The following DOT1L variants were observed in gnomAD, a reference collection of about 807,000 sequenced individuals.
The protein encoded by DOT1L is DOT1 like histone lysine methyltransferase.
In DOT1L, 33 loss-of-function variants were observed where a neutral mutation model predicts 153.3. The observed-to-expected ratio is 0.22, with a 90% CI of 0.16 to 0.29. The LOEUF (loss-of-function observed/expected upper bound fraction) is 0.29. Among genes scored for constraint, DOT1L ranks in the 10% least tolerant of loss-of-function variants. The probability of loss-of-function intolerance (pLI) is 1.00; values close to 1 mark genes in which losing one functional copy is unlikely to be tolerated. For missense variants in DOT1L, 1,847 were observed against 2,119.9 expected (o/e 0.87, Z 2.53); for synonymous variants, 1,135 against 965.1 (o/e 1.18, Z -3.26).
intron 25 of DOT1L, among the ~76,000 whole-genome samples, chr19:2,223,783 G>C (rs1343236132): frequency 1.3e-5 from 2 of 152,196 alleles, no homozygotes; most frequent in Non-Finnish European, 2.9e-5. Context: ...GTGAGGCGTT[G>C]GAGGTCTCAT....
intron 3 of DOT1L, 87 bp downstream of exon 3, chr19:2,186,016 T>G: frequency 1.6e-6 from 2 of 1,268,754 alleles, no homozygotes; most frequent in Non-Finnish European, 2.3e-6. Flanking sequence ...TAATTAGCTC[T>G]TCTTAGATGG....
At chr19:2,215,674 C>CA (rs1300012243) in intron 19 of DOT1L, 1 of 152,288 alleles carries the variant, frequency 6.6e-6, no homozygotes, top group Non-Finnish European at 1.5e-5. Flanking sequence ...GCTGCTCCCT[C>CA]ACGTGTGTGG....
chr19:2,220,446 C>T lies in DOT1L; in HGVS notation c.2806+224C>T, dbSNP rs779930699. 12 of 654,044 alleles carry T rather than the reference C, an allele frequency of 1.8e-5. No individual in the cohort carries two copies. The Middle Eastern group carries it at 1.5e-3, about 80-fold the overall frequency. The allele number at this position is 654,044 out of a possible 1,614,324, so 40.5% of individuals were successfully genotyped here. On this transcript the variant is annotated intron_variant, in intron 23 of 27. Coordinates refer to ENST00000398665, the MANE Select transcript of DOT1L (RefSeq NM_032482.3). The surrounding 1 kb of genome is among the most constrained non-coding windows in gnomAD (Gnocchi z 4.5). ...ATCTCGGCCTCATACCTGGGTCTCC[C>T]GACACTGACACCTCCTGCTTGGGTG...
chr19:2,212,178 TC>T (rs1243324687), intron 16 of DOT1L: 3 of 214,022 alleles, frequency 1.4e-5, no homozygotes, highest in South Asian at 8.2e-5. Flanking sequence ...GTCACAGTCT[TC>T]CCAGTTGTCG....
chr19:2,165,277 G>T (rs867760416), intron 1 of DOT1L, among the ~76,000 whole-genome samples: 1 of 6,098 alleles, frequency 1.6e-4, no homozygotes, highest in Non-Finnish European at 2.8e-4. Context: ...CGCGCCCTGG[G>T]ACTCCCGCGC....
In DOT1L at chr19:2,194,532, C is replaced by T. The variant is rs1350553431; in HGVS notation, c.606C>T (p.Phe202=). The change falls in exon 7 of 28, where the codon TTC becomes TTT. Residue 202 remains phenylalanine, a synonymous_variant. Coordinates refer to ENST00000398665, the MANE Select transcript of DOT1L (RefSeq NM_032482.3). ...CCTTCCAGACCATGGACCGCGAGTT[C>T]AGGAAGTGGATGAAATGGTATGGAA... The part of the protein sequence containing the change: ...AKYAETMDRE[F]RKWMKWYGKK... 2.5e-6 allele frequency: 4 copies of T among 1,613,336 alleles called. No homozygotes were observed. The highest frequency in any genetic ancestry group is 3.4e-6 in the Non-Finnish European group (4 of 1,179,900).
At chr19:2,164,480 C>T (rs937333309) in intron 1 of DOT1L, 9 of 326,500 alleles carry the variant, frequency 2.8e-5, no homozygotes, top group African/African-American at 1.5e-4. Flanking sequence ...GGGGTGGGAG[C>T]GGGAGCCGGC....
Position 2,163,993 on chromosome 19 carries a change from C to A in DOT1L, c.-192C>A, listed in dbSNP as rs1271991617. 6.7e-6 allele frequency among the ~76,000 whole-genome samples: 1 copy of A among 149,624 alleles called. No homozygotes were observed. The highest frequency in any genetic ancestry group is 1.5e-5 in the Non-Finnish European group (1 of 66,944). On this transcript the variant is annotated 5_prime_UTR_variant, in exon 1 of 28. Transcript: ENST00000398665. Reference sequence around the variant, plus strand: ...GGCGCTGGAGGCCCCGGGCCTGTGACTACAAAGAGGGAGTCGGGGGCCGGG... The same window carrying A: ...GGCGCTGGAGGCCCCGGGCCTGTGAATACAAAGAGGGAGTCGGGGGCCGGG...
At chr19:2,185,652 C>T (rs8100827) in intron 2 of DOT1L, among the ~76,000 whole-genome samples, 13,581 of 152,078 alleles carry the variant, frequency 0.089, 965 homozygotes, top group African/African-American at 0.19. Context: ...ACCTGTAGTC[C>T]CAGCTACTTG....
At chr19:2,167,534 G>T (rs1380976008) in intron 1 of DOT1L, among the ~76,000 whole-genome samples, 1 of 152,240 alleles carries the variant, frequency 6.6e-6, no homozygotes, top group Non-Finnish European at 1.5e-5. Context: ...TGGCTTGGCA[G>T]GGTGTGCTGG....
Position 2,223,496 on chromosome 19 carries a change from G to C in DOT1L, c.3596+10G>C. ...AGCCCAGCAGTGCTCGGCGAGTCCA[G>C]GGGCCCGGAGGGGGGCGGGGCCTGG... On this transcript the variant is annotated intron_variant, in intron 25 of 27. Coordinates refer to ENST00000398665, the MANE Select transcript of DOT1L (RefSeq NM_032482.3). The C allele has an allele frequency of 6.2e-7, 1 of 1,601,140 alleles. No individual in the cohort carries two copies. Among genetic ancestry groups the C allele is most frequent in the Non-Finnish European group, 8.5e-7 (1 of 1,176,798 alleles).
intron 16 of DOT1L, chr19:2,212,633 C>T (rs576552363): frequency 6.6e-6 from 1 of 152,338 alleles, no homozygotes; most frequent in South Asian, 2.1e-4. Context: ...GGCTAAACTT[C>T]TTTGGTTCGG....
At position 2,177,311 on chromosome 19, in the gene DOT1L, T is replaced by G. The variant is rs1045363796; in HGVS notation, c.82-3402T>G. ...TCACGCAGGAACAATTTTTTTTTTTTGGGAGAAAAAGTTTTGCTCTTGTCG... is the reference window on the plus strand; with the variant it reads ...TCACGCAGGAACAATTTTTTTTTTTGGGGAGAAAAAGTTTTGCTCTTGTCG... On this transcript the variant is annotated intron_variant, in intron 1 of 27. Coordinates refer to ENST00000398665, the MANE Select transcript of DOT1L (RefSeq NM_032482.3). Among the ~76,000 whole-genome samples, 40 of 152,054 alleles carry G rather than the reference T, an allele frequency of 2.6e-4. 1 individual carries two copies. Among genetic ancestry groups the G allele is most frequent in the Non-Finnish European group, 4.1e-4 (28 of 67,992 alleles).
rs1016483435 is a variant in DOT1L, at chr19:2,227,072, G to A, written c.4551G>A (p.Leu1517=). 1.3e-5 allele frequency: 21 copies of A among 1,569,082 alleles called. No individual in the cohort carries two copies. The Middle Eastern group carries it at 5.0e-4, about 37-fold the overall frequency. Residue 1517 remains leucine, a synonymous_variant, in exon 27 of 28, where the codon CTG becomes CTA. Transcript: ENST00000398665. ...ACGTGTCGTCCGCTGCCACCAGACTGACCAACTCGCACGCCATGGGCAGCT... is the reference window on the plus strand; with the variant it reads ...ACGTGTCGTCCGCTGCCACCAGACTAACCAACTCGCACGCCATGGGCAGCT... ...LVHVSSAATR[L]TNSHAMGSFS... is the part of the protein sequence containing the mutation.
chr19:2,177,567 G>A (rs1298741169), intron 1 of DOT1L, among the ~76,000 whole-genome samples: 1 of 152,022 alleles, frequency 6.6e-6, no homozygotes, highest in Non-Finnish European at 1.5e-5. Context: ...TATTCGCCAC[G>A]TTGGCCAGGC....
At position 2,230,050 on chromosome 19, in the gene DOT1L, T is replaced by A; in HGVS notation, c.*258T>A. The A allele has an allele frequency of 1.6e-6, 1 of 617,256 alleles. No homozygotes were observed. The highest frequency in any genetic ancestry group is 1.8e-5 in the African/African-American group (1 of 54,100). The allele number at this position is 617,256 out of a possible 1,614,324, so 38.2% of individuals were successfully genotyped here. ...TCTGACTTATTTTATTCCATCTAAG[T>A]GGTAAAAGGCAACTTATTGAGAAAT... On this transcript the variant is annotated 3_prime_UTR_variant, in exon 28 of 28. Transcript: ENST00000398665.
At chr19:2,215,131 G>A (rs577274552) in intron 19 of DOT1L, among the ~76,000 whole-genome samples, 1 of 152,080 alleles carries the variant, frequency 6.6e-6, no homozygotes. Context: ...CAGGAGTTCT[G>A]GCTCCCAGGA....
rs1471488155 is a variant in DOT1L, at chr19:2,163,982, C to G, written c.-203C>G. 1.3e-5 allele frequency among the ~76,000 whole-genome samples: 2 copies of G among 149,598 alleles called. No individual in the cohort carries two copies. Among genetic ancestry groups the G allele is most frequent in the Admixed American group, 6.6e-5 (1 of 15,068 alleles). On this transcript the variant is annotated 5_prime_UTR_variant, in exon 1 of 28. Transcript: ENST00000398665. The stretch of plus-strand genomic sequence containing the variant: ...AAGATGGCGGAGGCGCTGGAGGCCC[C>G]GGGCCTGTGACTACAAAGAGGGAGT...
Position 2,217,972 on chromosome 19 carries a change from T to C in DOT1L, c.2691+54T>C, listed in dbSNP as rs2023967115. ...AGGGCCACGTTGAGGCAAAACAGTCTGGGGTGCTCGAGACCTGGCTCACTT... is the reference window on the plus strand; with the variant it reads ...AGGGCCACGTTGAGGCAAAACAGTCCGGGGTGCTCGAGACCTGGCTCACTT... On this transcript the variant is annotated intron_variant, in intron 22 of 27. Transcript: ENST00000398665. The surrounding 1 kb of genome is among the most constrained non-coding windows in gnomAD (Gnocchi z 7.3). The C allele has an allele frequency of 3.2e-6, 5 of 1,584,258 alleles. No individual in the cohort carries two copies. The highest frequency in any genetic ancestry group is 4.3e-6 in the Non-Finnish European group (5 of 1,166,962).
Sources: allele counts gnomAD v4.1 joint callset (sites outside exome capture counted in the v4.1 genomes callset), GRCh38; gene constraint gnomAD v4.1.1; non-coding constraint Gnocchi (gnomAD v3.1); transcripts MANE v1.5; gene names NCBI Gene and HGNC (gene_info 2026-07-23, HGNC 2026-07-21).